Variants in GATB observed in about 807,000 individuals in gnomAD.
The protein encoded by GATB is glutamyl-tRNA amidotransferase subunit B.
GATB carries 39 observed loss-of-function variants against 62.3 expected under a neutral mutation model. The ratio of observed to expected loss-of-function variants is 0.63; its 90% CI spans 0.48 to 0.82. The LOEUF is 0.82. GATB is among the 40% of genes least tolerant of loss of function. GATB has a pLI of 0.00. For synonymous variants in GATB, 276 were observed against 258.9 expected, an observed-to-expected ratio of 1.07 and a Z score of -0.63; for missense variants, 670 against 684.0, an observed-to-expected ratio of 0.98 and a Z score of 0.23.
chr4:151,686,655 C>CCGCCCCG (rs1427154053), intron 10 of GATB, among the ~76,000 whole-genome samples: 1 of 122,482 alleles, frequency 8.2e-6, no homozygotes. Context: ...CCGCCCCGCC[C>CCGCCCCG]CCCCCCCACC....
At chr4:151,740,127 TTC>T (rs1739454679) in intron 2 of GATB, among the ~76,000 whole-genome samples, 1 of 152,246 alleles carries the variant, frequency 6.6e-6, no homozygotes, top group African/African-American at 2.4e-5. Context: ...TCTGTCTGAC[TTC>T]TGTGCTGATT....
At chr4:151,731,986 C>A (rs1174465444) in intron 2 of GATB, among the ~76,000 whole-genome samples, 1 of 144,798 alleles carries the variant, frequency 6.9e-6, no homozygotes, top group Non-Finnish European at 1.5e-5. Context: ...GCCCGGCCAG[C>A]CGCCCCGTCC....
intron 2 of GATB, among the ~76,000 whole-genome samples, chr4:151,741,032 C>T (rs1739474385): frequency 1.3e-5 from 2 of 152,238 alleles, no homozygotes; most frequent in Admixed American, 1.3e-4. Context: ...ACCTCTCTTT[C>T]CAGTACAGGA....
At chr4:151,707,505 G>T (rs968372005) in intron 6 of GATB, among the ~76,000 whole-genome samples, 5 of 152,096 alleles carry the variant, frequency 3.3e-5, no homozygotes, top group Admixed American at 1.3e-4. Flanking sequence ...TGTTGCCCAG[G>T]TGGTCTTGAA....
rs764175390 is a variant in GATB, at chr4:151,760,928, G to A, written c.55C>T (p.Arg19Trp). 6.2e-6 allele frequency: 10 copies of A among 1,613,846 alleles called. No homozygotes were observed. The Middle Eastern group carries it at 1.3e-3, about 217-fold the overall frequency. ...CGGTGGCAAGAACCACCGTCAACCCGGGCGAAAGCCCAACGTCTTCCACGG... is the reference window on the plus strand; with the variant it reads ...CGGTGGCAAGAACCACCGTCAACCCAGGCGAAAGCCCAACGTCTTCCACGG... ...GCRGRRWAFA[R>W]VDGGSCHRRG... Residue 19 changes from arginine (R) to tryptophan (W), a missense_variant, in exon 1 of 13, where the codon CGG becomes TGG. Physicochemically the swap from Arg to Trp is moderately radical, Grantham distance 101. Coordinates refer to ENST00000263985, the MANE Select transcript of GATB (RefSeq NM_004564.3).
chr4:151,756,291 T>C (rs977509005), intron 2 of GATB, among the ~76,000 whole-genome samples: 5 of 152,166 alleles, frequency 3.3e-5, no homozygotes, highest in Non-Finnish European at 7.3e-5. Context: ...ATGAATGGAG[T>C]TATAAGCAGA....
intron 2 of GATB, 62 bp downstream of exon 2, chr4:151,758,710 T>G: frequency 7.8e-7 from 1 of 1,283,324 alleles, no homozygotes; most frequent in Non-Finnish European, 1.1e-6. Context: ...GAAAATAATT[T>G]TCCATGTTCA....
intron 7 of GATB, among the ~76,000 whole-genome samples, chr4:151,704,255 G>A (rs1332377855): frequency 1.3e-5 from 2 of 152,062 alleles, no homozygotes; most frequent in African/African-American, 4.8e-5. Flanking sequence ...CTACAACCAG[G>A]TCTTCACTCT....
chr4:151,710,993 G>A (rs766757618), intron 5 of GATB, among the ~76,000 whole-genome samples: 96 of 152,060 alleles, frequency 6.3e-4, no homozygotes, highest in Non-Finnish European at 2.1e-4. Context: ...AGACATTCTC[G>A]ATCTCATCTT....
chr4:151,692,254 C>T (rs1171893124), intron 9 of GATB, among the ~76,000 whole-genome samples: 11 of 152,182 alleles, frequency 7.2e-5, no homozygotes, highest in Non-Finnish European at 1.3e-4. Context: ...CAAACCTCTG[C>T]GGTTTGTGCT....
rs56231389 is a variant in GATB at position 151,697,953 on chromosome 4, G to GTATATATATATATATATA, written c.1197+3358_1197+3375dup. 5.7e-4 allele frequency among the ~76,000 whole-genome samples: 23 copies of GTATATATATATATATATA among 40,592 alleles called. 1 individual carries two copies. The highest frequency in any genetic ancestry group is 6.1e-4 in the Non-Finnish European group (15 of 24,446). 26.6% of individuals were successfully genotyped at this position (40,592 alleles called of 152,430 possible). A position where few individuals can be genotyped will look rare whatever the true frequency, so the allele number is the denominator to read the frequency against. On this transcript the variant is annotated intron_variant, in intron 9 of 12. Coordinates refer to ENST00000263985, the MANE Select transcript of GATB (RefSeq NM_004564.3). ...TTCATATATATGTGTGTGTGTGTGT[G>GTATATATATATATATATA]TATATATATATATATATATATATAT... is the stretch of plus-strand genomic sequence containing the variant.
At chr4:151,732,165 C>A (rs919361785) in intron 2 of GATB, among the ~76,000 whole-genome samples, 1 of 151,466 alleles carries the variant, frequency 6.6e-6, no homozygotes, top group African/African-American at 2.4e-5. Context: ...TGCCCGGCCA[C>A]CCCTTCTGGG....
chr4:151,718,625 T>C (rs1303106387), intron 3 of GATB, among the ~76,000 whole-genome samples: 1 of 152,206 alleles, frequency 6.6e-6, no homozygotes, highest in Non-Finnish European at 1.5e-5. Flanking sequence ...TTTTATTTAA[T>C]TCTACTCGTG....
chr4:151,742,511 T>G (rs1362695951), intron 2 of GATB, among the ~76,000 whole-genome samples: 1 of 152,228 alleles, frequency 6.6e-6, no homozygotes, highest in Non-Finnish European at 1.5e-5. Context: ...CTATAAGGTT[T>G]CAACCTTAAT....
chr4:151,754,824 CTTAA>C (rs1295928642), intron 2 of GATB, among the ~76,000 whole-genome samples: 6 of 152,074 alleles, frequency 3.9e-5, no homozygotes, highest in Non-Finnish European at 7.4e-5. Flanking sequence ...TCATTATTTA[CTTAA>C]TTCTCTATAC....
chr4:151,696,630 T>G (rs1279216754), intron 9 of GATB, among the ~76,000 whole-genome samples: 3 of 152,180 alleles, frequency 2.0e-5, no homozygotes, highest in Non-Finnish European at 4.4e-5. Context: ...AGAGCAGCAG[T>G]CCCTGCCTCA....
intron 5 of GATB, among the ~76,000 whole-genome samples, chr4:151,715,703 C>G (rs1738898754): frequency 6.6e-6 from 1 of 152,176 alleles, no homozygotes; most frequent in South Asian, 2.1e-4. Flanking sequence ...TCTTGATAAA[C>G]AGTGTCTTCT....
chr4:151,671,079 C>T lies in GATB; in HGVS notation c.*95G>A, dbSNP rs545975036. The T allele has an allele frequency of 6.4e-6, 9 of 1,399,742 alleles. No homozygotes were observed. The highest frequency in any genetic ancestry group is 5.2e-5 in the Admixed American group (3 of 57,414). 86.7% of individuals were successfully genotyped at this position (1,399,742 alleles called of 1,614,324 possible). ...TTGGGACAGGGATTGAGAGGCAGCT[C>T]TCAGGGCACATGGGCATCAGCTTTC... On this transcript the variant is annotated 3_prime_UTR_variant, in exon 13 of 13. Coordinates refer to ENST00000263985, the MANE Select transcript of GATB (RefSeq NM_004564.3).
intron 2 of GATB, among the ~76,000 whole-genome samples, chr4:151,742,296 A>G (rs1324956112): frequency 6.6e-6 from 1 of 151,960 alleles, no homozygotes; most frequent in Non-Finnish European, 1.5e-5. Flanking sequence ...CACCGTGTTA[A>G]CCAGGATGGT....
Sources: allele counts gnomAD v4.1 joint callset (sites outside exome capture counted in the v4.1 genomes callset), GRCh38; gene constraint gnomAD v4.1.1; transcripts MANE v1.5; gene names NCBI Gene and HGNC (gene_info 2026-07-23, HGNC 2026-07-21).